RBFOX1: variants seen among roughly 807,000 people sequenced by gnomAD.
The protein encoded by RBFOX1 is RNA binding fox-1 homolog 1.
In RBFOX1, 8 loss-of-function variants were observed where a neutral mutation model predicts 57.7. The ratio of observed to expected loss-of-function variants is 0.14; its 90% confidence interval spans 0.08 to 0.25. RBFOX1 has a LOEUF of 0.25. Among genes scored for constraint, RBFOX1 ranks in the 10% least tolerant of loss-of-function variants. RBFOX1 has a pLI of 1.00. For synonymous variants in RBFOX1, 326 were observed against 222.4 expected (o/e 1.47, Z -4.15); for missense variants, 611 against 548.5 (o/e 1.11, Z -1.14).
chr16:5,663,122 A>G (rs2049712505), intron 3 of RBFOX1, among the ~76,000 whole-genome samples: 1 of 152,314 alleles, frequency 6.6e-6, no homozygotes, highest in Admixed American at 6.5e-5. Flanking sequence ...TAAACACCGT[A>G]CAACGCATAG....
intron 3 of RBFOX1, among the ~76,000 whole-genome samples, chr16:6,759,178 T>A (rs1310861267): frequency 1.3e-5 from 2 of 149,232 alleles, no homozygotes; most frequent in Non-Finnish European, 3.0e-5. Flanking sequence ...TGAGACAGAG[T>A]CTCGCTCTGT....
intron 2 of RBFOX1, among the ~76,000 whole-genome samples, chr16:5,584,900 T>C (rs1259820256): frequency 6.6e-6 from 1 of 152,136 alleles, no homozygotes; most frequent in Non-Finnish European, 1.5e-5. Context: ...TAGAAATCTG[T>C]GGTTTTATAT....
intron 2 of RBFOX1, among the ~76,000 whole-genome samples, chr16:6,351,566 G>GC (rs2086404587): frequency 6.6e-6 from 1 of 151,532 alleles, no homozygotes; most frequent in African/African-American, 2.4e-5. Flanking sequence ...TAGAGACAGG[G>GC]TTTCACTATT....
chr16:5,683,100 C>A (rs1036888981), intron 3 of RBFOX1, among the ~76,000 whole-genome samples: 10 of 146,032 alleles, frequency 6.8e-5, no homozygotes, highest in East Asian at 6.0e-4. Flanking sequence ...TTTGTTTTTG[C>A]TAAGGTCTTG....
At chr16:6,477,300 C>T (rs1024753420) in intron 2 of RBFOX1, among the ~76,000 whole-genome samples, 1 of 152,146 alleles carries the variant, frequency 6.6e-6, no homozygotes, top group Non-Finnish European at 1.5e-5. Context: ...GCAGCTATAA[C>T]CTTATGAGAT....
At chr16:6,952,262 G>T (rs530841822) in intron 3 of RBFOX1, among the ~76,000 whole-genome samples, 1 of 152,210 alleles carries the variant, frequency 6.6e-6, no homozygotes, top group African/African-American at 2.4e-5. Flanking sequence ...GTAGATTTCT[G>T]GTTCTAAAAG....
chr16:6,637,449 TG>T (rs2098453646), intron 2 of RBFOX1, among the ~76,000 whole-genome samples: 1 of 34,108 alleles, frequency 2.9e-5, no homozygotes, highest in Non-Finnish European at 7.4e-5. Flanking sequence ...TATATGTAAA[TG>T]TATATAATAT....
chr16:6,816,536 T>C (rs1187714110), intron 3 of RBFOX1, among the ~76,000 whole-genome samples: 1 of 151,046 alleles, frequency 6.6e-6, no homozygotes, highest in Non-Finnish European at 1.5e-5. Flanking sequence ...GATCAGGAGA[T>C]GAAGACCATC....
intron 3 of RBFOX1, among the ~76,000 whole-genome samples, chr16:6,886,946 A>G (rs2064191622): frequency 6.6e-6 from 1 of 151,344 alleles, no homozygotes; most frequent in Non-Finnish European, 1.5e-5. Flanking sequence ...GTGTCTTTGT[A>G]ATCAATTTAA....
intron 3 of RBFOX1, among the ~76,000 whole-genome samples, chr16:5,679,619 C>A (rs1198248104): frequency 6.6e-6 from 1 of 152,108 alleles, no homozygotes; most frequent in African/African-American, 2.4e-5. Context: ...TTTTCTGTTC[C>A]TGTGTTAGTT....
At chr16:6,992,003 T>C (rs1490937074) in intron 3 of RBFOX1, among the ~76,000 whole-genome samples, 2 of 152,160 alleles carry the variant, frequency 1.3e-5, no homozygotes, top group Non-Finnish European at 2.9e-5. Context: ...AAGCTGGTGC[T>C]ATGAAAACTA....
At chr16:5,816,456 C>G (rs2055641268) in intron 3 of RBFOX1, among the ~76,000 whole-genome samples, 1 of 152,160 alleles carries the variant, frequency 6.6e-6, no homozygotes, top group Non-Finnish European at 1.5e-5. Flanking sequence ...ACCCCAAATT[C>G]CATAGCCTCT....
intron 1 of RBFOX1, among the ~76,000 whole-genome samples, chr16:5,396,363 A>G (rs1442684863): frequency 6.6e-6 from 1 of 152,090 alleles, no homozygotes; most frequent in Non-Finnish European, 1.5e-5. Context: ...AGGAGGGGCG[A>G]GGCATGGGGG....
At chr16:6,529,729 G>A (rs139051641) in intron 2 of RBFOX1, among the ~76,000 whole-genome samples, 27 of 152,158 alleles carry the variant, frequency 1.8e-4, no homozygotes, top group Non-Finnish European at 3.2e-4. Context: ...TCCACAACAC[G>A]TACGGAAGAA....
intron 4 of RBFOX1, among the ~76,000 whole-genome samples, chr16:7,351,338 A>T (rs544728718): frequency 6.6e-6 from 1 of 152,384 alleles, no homozygotes; most frequent in Admixed American, 6.5e-5. Context: ...TGGTTAGTTC[A>T]TTCCTTTGAT....
intron 1 of RBFOX1, among the ~76,000 whole-genome samples, chr16:6,113,576 G>T (rs987598810): frequency 2.6e-5 from 4 of 152,144 alleles, no homozygotes; most frequent in Non-Finnish European, 4.4e-5. Context: ...GGCAGAAATT[G>T]CCTGTCTCCG....
At chr16:5,267,379 C>A (rs1294786926) in intron 1 of RBFOX1, among the ~76,000 whole-genome samples, 2 of 151,496 alleles carry the variant, frequency 1.3e-5, no homozygotes, top group African/African-American at 4.9e-5. Flanking sequence ...CTCACTGCAA[C>A]CTCCGCCTCC....
chr16:6,911,123 C>T (rs918526561), intron 3 of RBFOX1, among the ~76,000 whole-genome samples: 3 of 151,462 alleles, frequency 2.0e-5, no homozygotes, highest in Non-Finnish European at 2.9e-5. Flanking sequence ...ATCGCTGGAA[C>T]CTGGGAAGTG....
intron 3 of RBFOX1, among the ~76,000 whole-genome samples, chr16:5,824,389 A>C (rs2055962672): frequency 6.6e-6 from 1 of 152,162 alleles, no homozygotes; most frequent in Non-Finnish European, 1.5e-5. Flanking sequence ...AGGGAAAACA[A>C]GTGCCAGACA....
Sources: gnomAD v4.1 joint callset for allele counts (sites outside exome capture counted in the v4.1 genomes callset) on GRCh38, gnomAD v4.1.1 for gene constraint, MANE v1.5 for transcripts, NCBI Gene and HGNC (gene_info 2026-07-23, HGNC 2026-07-21) for gene names.